Variants in TMPRSS3 observed in about 807,000 individuals in gnomAD.
The protein encoded by TMPRSS3 is transmembrane serine protease 3.
Under a neutral mutation model 59.6 loss-of-function variants are expected in TMPRSS3, and 55 were observed. The observed-to-expected ratio is 0.92, with a 90% CI of 0.74 to 1.16. The LOEUF (loss-of-function observed/expected upper bound fraction) is 1.16, where lower values mean the gene tolerates loss of function less well. Among genes scored for constraint, TMPRSS3 ranks in the 50% most tolerant of loss-of-function variants. The pLI is 0.00. For synonymous variants in TMPRSS3, 257 were observed against 237.7 expected, an observed-to-expected ratio of 1.08 and a Z score of -0.75; for missense variants, 596 against 579.4, an observed-to-expected ratio of 1.03 and a Z score of -0.29.
intron 12 of TMPRSS3, 99 bp from the exon 13 acceptor site, chr21:42,372,878 G>T: frequency 7.0e-7 from 1 of 1,430,764 alleles, no homozygotes; most frequent in Non-Finnish European, 9.8e-7. Flanking sequence ...TGTGGGAATT[G>T]TGGGGCTGTT....
rs373672951 is a variant in TMPRSS3 at position 42,378,712 on chromosome 21, T to TTTTTG, written c.1048+1400_1048+1404dup. On this transcript the variant is annotated intron_variant, in intron 10 of 12. Transcript: ENST00000644384. ...CGTGTGGAAATAAATCTCCACTTTT[T>TTTTTG]TTTTGTTTTGTTTTGTTTTTTTAAA... Among the ~76,000 whole-genome samples, 390 of 152,188 alleles carry TTTTTG rather than the reference T, an allele frequency of 2.6e-3. 4 individuals are homozygous for TTTTTG. Among genetic ancestry groups the TTTTTG allele is most frequent in the African/African-American group, 7.9e-3 (329 of 41,516 alleles).
Position 42,372,656 on chromosome 21 carries a change from T to C in TMPRSS3, c.*106A>G. On this transcript the variant is annotated 3_prime_UTR_variant, in exon 13 of 13. Coordinates refer to ENST00000644384, the MANE Select transcript of TMPRSS3 (RefSeq NM_001256317.3). ...TGCTACTGGTGCCGGAACTCAGAGCTCCAAGGGTGTCTGCTCGTGTGCAGG... is the reference window on the plus strand; with the variant it reads ...TGCTACTGGTGCCGGAACTCAGAGCCCCAAGGGTGTCTGCTCGTGTGCAGG... 1 of 1,199,246 alleles carries C rather than the reference T, an allele frequency of 8.3e-7. No individual in the cohort carries two copies. Among genetic ancestry groups the C allele is most frequent in the Non-Finnish European group, 1.2e-6 (1 of 801,894 alleles). 74.3% of individuals were successfully genotyped at this position (1,199,246 alleles called of 1,614,324 possible). A position where few individuals can be genotyped will look rare whatever the true frequency, so the allele number is the denominator to read the frequency against.
intron 9 of TMPRSS3, 76 bp downstream of exon 9, chr21:42,381,989 A>G (rs2052537663): frequency 6.4e-7 from 1 of 1,559,244 alleles, no homozygotes; most frequent in Non-Finnish European, 8.8e-7. Context: ...CCATCATAAG[A>G]ATGCTTCAAT....
intron 10 of TMPRSS3, among the ~76,000 whole-genome samples, chr21:42,379,047 G>A (rs767196466): frequency 3.9e-5 from 6 of 152,130 alleles, no homozygotes; most frequent in Non-Finnish European, 8.8e-5. Context: ...ACCATGCCTG[G>A]CTAATTTTTG....
At position 42,389,140 on chromosome 21, in the gene TMPRSS3, G is replaced by T. The variant is rs182241621; in HGVS notation, c.206-95C>A. 2.3e-4 allele frequency: 360 copies of T among 1,575,720 alleles called. 1 individual carries two copies. In the African/African-American group the frequency reaches 4.3e-3, roughly 19 times the overall value. ...CTGCCACACAGTGCGGAGCTGGCCC[G>T]TGAATAATGAAACCTGTATTGAAAT... On this transcript the variant is annotated intron_variant, in intron 3 of 12. Coordinates refer to ENST00000644384, the MANE Select transcript of TMPRSS3 (RefSeq NM_001256317.3).
At chr21:42,383,379 G>T in intron 7 of TMPRSS3, 181 bp from the exon 8 acceptor site, 1 of 671,706 alleles carries the variant, frequency 1.5e-6, no homozygotes, top group Non-Finnish European at 2.6e-6. Context: ...CAGGCTCTTG[G>T]GGAGACCTGA....
chr21:42,390,561 C>G (rs1454925922), intron 2 of TMPRSS3: 2 of 172,584 alleles, frequency 1.2e-5, no homozygotes, highest in Non-Finnish European at 2.5e-5. Context: ...AACCCCATCT[C>G]TATTAAAAAT....
chr21:42,392,343 C>T (rs936514407), intron 2 of TMPRSS3, among the ~76,000 whole-genome samples: 4 of 151,984 alleles, frequency 2.6e-5, no homozygotes, highest in African/African-American at 9.7e-5. Context: ...AAAGAGTGTG[C>T]AGAGGAGAGG....
intron 6 of TMPRSS3, among the ~76,000 whole-genome samples, chr21:42,384,863 C>T (rs887874707): frequency 1.3e-5 from 2 of 152,034 alleles, no homozygotes; most frequent in South Asian, 4.1e-4. Flanking sequence ...GCATGTGGTC[C>T]CTGTAAGTTT....
chr21:42,383,596 G>C (rs965308263), intron 7 of TMPRSS3: 17 of 513,542 alleles, frequency 3.3e-5, no homozygotes, highest in Admixed American at 9.4e-5. Context: ...CCACCCTTGT[G>C]GTGTGAACAC....
rs138331456 is a variant in TMPRSS3 at position 42,380,918 on chromosome 21, T to C, written c.953-706A>G. Among the ~76,000 whole-genome samples the C allele has an allele frequency of 1.6e-3, 243 of 152,348 alleles. 1 individual carries two copies. Among genetic ancestry groups the C allele is most frequent in the African/African-American group, 5.6e-3 (232 of 41,580 alleles). On this transcript the variant is annotated intron_variant, in intron 9 of 12. Coordinates refer to ENST00000644384, the MANE Select transcript of TMPRSS3 (RefSeq NM_001256317.3). ...ACTTGAAACTTTGGCAAAGTACAAGTGCTGGCACCTCATTTCCTATAACCA... is the reference window on the plus strand; with the variant it reads ...ACTTGAAACTTTGGCAAAGTACAAGCGCTGGCACCTCATTTCCTATAACCA...
chr21:42,390,445 C>T (rs948621586), intron 2 of TMPRSS3: 1 of 243,674 alleles, frequency 4.1e-6, no homozygotes, highest in Non-Finnish European at 8.2e-6. Flanking sequence ...AGGGGGAAAA[C>T]AGCCGGGTGC....
intron 3 of TMPRSS3, among the ~76,000 whole-genome samples, chr21:42,389,626 C>G (rs993774779): frequency 1.3e-5 from 2 of 152,250 alleles, no homozygotes; most frequent in Non-Finnish European, 2.9e-5. Flanking sequence ...CCCGCTGCCC[C>G]GGTCAGTGCC....
chr21:42,376,337 C>G (rs1359763698), intron 11 of TMPRSS3, among the ~76,000 whole-genome samples: 1 of 152,224 alleles, frequency 6.6e-6, no homozygotes, highest in Non-Finnish European at 1.5e-5. Context: ...TGAGTCCCCT[C>G]CCACCACCCA....
intron 10 of TMPRSS3, among the ~76,000 whole-genome samples, chr21:42,378,946 A>C (rs769468780): frequency 5.9e-5 from 9 of 152,054 alleles, no homozygotes; most frequent in Non-Finnish European, 1.3e-4. Context: ...GTGGAGTGGC[A>C]TGATCTCGGC....
intron 10 of TMPRSS3, among the ~76,000 whole-genome samples, chr21:42,379,485 G>T (rs935755206): frequency 6.6e-6 from 1 of 152,158 alleles, no homozygotes; most frequent in Non-Finnish European, 1.5e-5. Flanking sequence ...TTTAAGCCAC[G>T]CAGACTGTGA....
At chr21:42,381,838 C>T in intron 9 of TMPRSS3, 1 of 680,874 alleles carries the variant, frequency 1.5e-6, no homozygotes, top group Non-Finnish European at 2.6e-6. Context: ...GCCACATTGT[C>T]CAGGATACAA....
In TMPRSS3 at chr21:42,388,495, C is replaced by T. The variant is rs1323280220; in HGVS notation, c.354G>A (p.Gln118=). The T allele has an allele frequency of 1.7e-5, 28 of 1,614,200 alleles. No homozygotes were observed. Among genetic ancestry groups the T allele is most frequent in the Non-Finnish European group, 2.2e-5 (26 of 1,180,034 alleles). Residue 118 remains glutamine, a synonymous_variant, in exon 5 of 13, where the codon CAG becomes CAA. Transcript: ENST00000644384. The surrounding 1 kb of genome is among the most constrained non-coding windows in gnomAD (Gnocchi z 5.1). ...TCTTCCACGAAGCAGCTGTGAACAC[C>T]TGGAGCACGGCATTCTGACCACCCA... ...VRVGGQNAVL[Q]VFTAASWKTM...
At position 42,382,940 on chromosome 21, in the gene TMPRSS3, C is replaced by T. The variant is rs2052557845; in HGVS notation, c.782+93G>A. ...CTTGGAGGTTAGTCTCTCTGTCTTC[C>T]CTCTGGACCCGCTTCTCACCACCCA... is the stretch of plus-strand genomic sequence containing the variant. On this transcript the variant is annotated intron_variant, in intron 8 of 12. Coordinates refer to ENST00000644384, the MANE Select transcript of TMPRSS3 (RefSeq NM_001256317.3). 7 of 1,494,656 alleles carry T rather than the reference C, an allele frequency of 4.7e-6. No individual in the cohort carries two copies. The Admixed American group carries it at 5.2e-5, about 11-fold the overall frequency. 92.6% of individuals were successfully genotyped at this position (1,494,656 alleles called of 1,614,324 possible).
Sources: gnomAD v4.1 joint callset for allele counts (sites outside exome capture counted in the v4.1 genomes callset) on GRCh38, gnomAD v4.1.1 for gene constraint, Gnocchi (gnomAD v3.1) non-coding constraint, MANE v1.5 for transcripts, NCBI Gene and HGNC (gene_info 2026-07-23, HGNC 2026-07-21) for gene names.